MROH7: variants seen among roughly 807,000 people sequenced by gnomAD.
The protein encoded by MROH7 is maestro heat like repeat family member 7, also known as maestro heat-like repeat-containing protein family member 7.
In MROH7, 113 loss-of-function variants were observed where a neutral mutation model predicts 129.2. The ratio of observed to expected loss-of-function variants is 0.87; its 90% CI spans 0.75 to 1.02. The LOEUF (loss-of-function observed/expected upper bound fraction) is 1.02. Ranked by LOEUF, MROH7 falls within the 50% of genes least tolerant of loss-of-function variation. The pLI is 0.00. For missense variants in MROH7, 1,601 were observed against 1,671.3 expected (o/e 0.96, Z 0.73); for synonymous variants, 655 against 667.9 (o/e 0.98, Z 0.30).
intron 21 of MROH7, among the ~76,000 whole-genome samples, chr1:54,704,918 A>G (rs1344180198): frequency 2.1e-5 from 3 of 141,200 alleles, no homozygotes; most frequent in African/African-American, 8.1e-5. Context: ...TCCTGCCTCA[A>G]CCTCCTGCGT....
At chr1:54,663,827 G>T (rs1165725626) in intron 3 of MROH7, 3 of 446,916 alleles carry the variant, frequency 6.7e-6, no homozygotes, top group South Asian at 3.2e-5. Flanking sequence ...AAGGAGCCTT[G>T]TTCCTTTTAG....
At chr1:54,667,011 G>A (rs566245683) in intron 4 of MROH7, among the ~76,000 whole-genome samples, 1 of 152,134 alleles carries the variant, frequency 6.6e-6, no homozygotes, top group African/African-American at 2.4e-5. Context: ...CCATATTGTG[G>A]GGTATCAGTT....
rs775342654 is a variant in MROH7 at position 54,653,673 on chromosome 1, T to C, written c.747T>C (p.Thr249=). ...TCCCAGACACAAATGAGACCATCACTTTGGCTTCACATAATATCTCTGAGT... is the reference window on the plus strand; with the variant it reads ...TCCCAGACACAAATGAGACCATCACCTTGGCTTCACATAATATCTCTGAGT... ...TLIPDTNETI[T]LASHNISESV... Residue 249 remains threonine (T), a synonymous_variant, in exon 3 of 24, where the codon ACT becomes ACC. Transcript: ENST00000421030. 1.3e-5 allele frequency: 21 copies of C among 1,614,064 alleles called. No individual in the cohort carries two copies. The East Asian group carries it at 4.7e-4, about 36-fold the overall frequency.
chr1:54,666,764 T>C (rs114850068), intron 4 of MROH7, among the ~76,000 whole-genome samples: 2,061 of 152,110 alleles, frequency 0.014, 41 homozygotes, highest in East Asian at 0.078. Flanking sequence ...AGGAATTCTG[T>C]TGAGGAGCAA....
rs565587126 is a variant in MROH7, at chr1:54,702,094, G to C, written c.3290G>C (p.Arg1097Pro). 1.3e-6 allele frequency: 2 copies of C among 1,594,334 alleles called. No individual in the cohort carries two copies. Among genetic ancestry groups the C allele is most frequent in the South Asian group, 2.3e-5 (2 of 88,554 alleles). ...TGAGCCTTTGGTCTTCCCCAGGCAC[G>C]AGAGGTCGTGCGCTCCTCCTGCATC... ...QILLPHFSDA[R>P]EVVRSSCINL... The change falls in exon 20 of 24, where the codon CGA becomes CCA. Residue 1097 changes from arginine (R) to proline (P), a missense_variant. Coordinates refer to ENST00000421030, the MANE Select transcript of MROH7 (RefSeq NM_001039464.4).
intron 13 of MROH7, among the ~76,000 whole-genome samples, chr1:54,682,163 T>TC (rs1645079970): frequency 9.2e-6 from 1 of 108,666 alleles, no homozygotes; most frequent in East Asian, 3.8e-4. Context: ...TTTCTTTCTT[T>TC]TTTTTTTTTT....
chr1:54,680,608 C>T (rs958551919), intron 13 of MROH7, among the ~76,000 whole-genome samples: 2 of 152,206 alleles, frequency 1.3e-5, no homozygotes, highest in Non-Finnish European at 2.9e-5. Flanking sequence ...AGCTCACTGT[C>T]TTCAGGGAGC....
chr1:54,664,337 T>C (rs1644779216), intron 3 of MROH7, among the ~76,000 whole-genome samples: 1 of 152,152 alleles, frequency 6.6e-6, no homozygotes, highest in Non-Finnish European at 1.5e-5. Context: ...AAGAAGAGAT[T>C]CGGACAATGC....
At chr1:54,684,781 A>G (rs1366326884) in intron 14 of MROH7, among the ~76,000 whole-genome samples, 1 of 152,204 alleles carries the variant, frequency 6.6e-6, no homozygotes, top group Non-Finnish European at 1.5e-5. Flanking sequence ...TGGTGCTTAT[A>G]TCTGTAAAAT....
At chr1:54,676,949 C>A (rs537228787) in intron 10 of MROH7, among the ~76,000 whole-genome samples, 1 of 151,376 alleles carries the variant, frequency 6.6e-6, no homozygotes. Flanking sequence ...CTTCATGATC[C>A]GTCCCCCTCG....
intron 4 of MROH7, among the ~76,000 whole-genome samples, chr1:54,668,281 A>G (rs1644842710): frequency 6.6e-6 from 1 of 152,218 alleles, no homozygotes; most frequent in Non-Finnish European, 1.5e-5. Flanking sequence ...TGTCCTTTGG[A>G]TAGGAGGAGC....
chr1:54,673,671 T>C (rs755260678), intron 8 of MROH7, 30 bp from the exon 9 acceptor site: 3 of 1,546,398 alleles, frequency 1.9e-6, no homozygotes, highest in South Asian at 2.2e-5. Flanking sequence ...ATCTAACCTG[T>C]AGTTCTGAGT....
chr1:54,677,636 G>A (rs1188329981), intron 10 of MROH7, among the ~76,000 whole-genome samples: 1 of 152,134 alleles, frequency 6.6e-6, no homozygotes, highest in Non-Finnish European at 1.5e-5. Context: ...ACACACACTT[G>A]GTCTATGTGA....
rs370342214 is a variant in MROH7, at chr1:54,653,242, G to A, written c.316G>A (p.Asp106Asn). The A allele has an allele frequency of 1.2e-6, 2 of 1,614,018 alleles. No homozygotes were observed. Among genetic ancestry groups the A allele is most frequent in the Non-Finnish European group, 1.7e-6 (2 of 1,180,032 alleles). ...ITSSCSGEAL[D>N]LDSKDVSRPD... ...CAGTTCTTGTTCTGGTGAAGCCCTG[G>A]ACCTGGATTCCAAGGATGTCTCAAG... Residue 106 changes from aspartate to asparagine, a missense_variant, in exon 3 of 24, where the codon GAC becomes AAC. Physicochemically the swap from Asp to Asn is conservative, Grantham distance 23 (BLOSUM62 1). Coordinates refer to ENST00000421030, the MANE Select transcript of MROH7 (RefSeq NM_001039464.4).
chr1:54,648,337 T>TTTATTTAC (rs1644502074), intron 1 of MROH7, among the ~76,000 whole-genome samples: 1 of 10,902 alleles, frequency 9.2e-5, no homozygotes, highest in Non-Finnish European at 2.0e-4. Flanking sequence ...TGCATGCAAT[T>TTTATTTAC]TTATTTATTT....
At chr1:54,670,638 C>T (rs1365600437) in intron 6 of MROH7, 62 bp downstream of exon 6, 11 of 1,531,242 alleles carry the variant, frequency 7.2e-6, no homozygotes, top group Non-Finnish European at 8.9e-6. Context: ...CTTCTGCCTC[C>T]CTCCATCTCT....
In MROH7 at chr1:54,645,653, TTC is replaced by T. The variant is rs1157717427; in HGVS notation, c.-110+3687_-110+3688del. 6.1e-4 allele frequency among the ~76,000 whole-genome samples: 75 copies of T among 123,714 alleles called. 1 individual carries two copies. Among genetic ancestry groups the T allele is most frequent in the African/African-American group, 2.0e-3 (70 of 34,334 alleles). 81.2% of individuals were successfully genotyped at this position (123,714 alleles called of 152,430 possible). ...TATTTCTTTTCTTTTCTTTCTTTCT[TTC>T]TTTTTTTTTTTTTTTGAGACAAACT... On this transcript the variant is annotated intron_variant, in intron 1 of 23. Coordinates refer to ENST00000421030, the MANE Select transcript of MROH7 (RefSeq NM_001039464.4).
At chr1:54,708,767 C>G in intron 22 of MROH7, among the ~76,000 whole-genome samples, 1 of 152,200 alleles carries the variant, frequency 6.6e-6, no homozygotes, top group East Asian at 1.9e-4. Context: ...TCAGGCTGCA[C>G]TGTCAGGGTC....
chr1:54,671,051 CTGAGTAGGTACT>C, intron 7 of MROH7, 122 bp downstream of exon 7: 1 of 1,109,026 alleles, frequency 9.0e-7, no homozygotes, highest in Non-Finnish European at 1.3e-6. Context: ...TTCTGTTGGT[CTGAGTAGGTACT>C]TGATAAATGG....
Sources: gnomAD v4.1 joint callset for allele counts (sites outside exome capture counted in the v4.1 genomes callset) on GRCh38, gnomAD v4.1.1 for gene constraint, MANE v1.5 for transcripts, NCBI Gene and HGNC (gene_info 2026-07-23, HGNC 2026-07-21) for gene names.